The following HIP1 variants were observed in gnomAD, a reference collection of about 807,000 sequenced individuals.
The protein encoded by HIP1 is huntingtin-interacting protein 1.
In HIP1, 65 loss-of-function variants were observed where a neutral mutation model predicts 147.6. The observed-to-expected ratio is 0.44, with a 90% confidence interval of 0.36 to 0.54. The LOEUF is 0.54. Ranked by LOEUF, HIP1 falls within the 20% of genes least tolerant of loss-of-function variation. The pLI is 0.00. For synonymous variants in HIP1, 479 were observed against 504.0 expected (o/e 0.95, Z 0.67); for missense variants, 1,061 against 1,299.6 (o/e 0.82, Z 2.82).
intron 1 of HIP1, among the ~76,000 whole-genome samples, chr7:75,664,713 C>T (rs544400580): frequency 6.6e-6 from 1 of 152,012 alleles, no homozygotes; most frequent in Admixed American, 6.6e-5. Context: ...CTCTGCCTCC[C>T]AGGTTCAAGC....
intron 2 of HIP1, among the ~76,000 whole-genome samples, chr7:75,596,767 G>A (rs780043478): frequency 2.0e-5 from 3 of 152,150 alleles, no homozygotes; most frequent in Non-Finnish European, 2.9e-5. Flanking sequence ...CCCAGAGTGA[G>A]CCCGAGAGTT....
intron 3 of HIP1, 126 bp from the exon 4 acceptor site, chr7:75,592,238 C>G: frequency 7.2e-7 from 1 of 1,392,244 alleles, no homozygotes; most frequent in Admixed American, 1.8e-5. Context: ...GAGACTCACC[C>G]AACTCTAATG....
At chr7:75,620,820 G>T (rs587710684) in intron 1 of HIP1, among the ~76,000 whole-genome samples, 3 of 152,134 alleles carry the variant, frequency 2.0e-5, no homozygotes, top group African/African-American at 4.8e-5. Flanking sequence ...ATGGCGAGAG[G>T]TGCTATGGAA....
chr7:75,576,779 C>T (rs1795860894), intron 7 of HIP1, among the ~76,000 whole-genome samples: 1 of 152,154 alleles, frequency 6.6e-6, no homozygotes, highest in African/African-American at 2.4e-5. Flanking sequence ...AACTGTATGT[C>T]CAAGCTCAGT....
chr7:75,677,791 C>T (rs1554516273), intron 1 of HIP1, among the ~76,000 whole-genome samples: 1 of 151,840 alleles, frequency 6.6e-6, no homozygotes. Context: ...TTTTCTCCTG[C>T]CTTGGAGCCT....
At chr7:75,625,330 T>C (rs1299232788) in intron 1 of HIP1, 1 of 152,410 alleles carries the variant, frequency 6.6e-6, no homozygotes, top group Non-Finnish European at 1.5e-5. Context: ...CACTAAGACT[T>C]AGTCCTGGTT....
At chr7:75,614,649 T>C (rs1165472473) in intron 1 of HIP1, among the ~76,000 whole-genome samples, 1 of 152,200 alleles carries the variant, frequency 6.6e-6, no homozygotes, top group Non-Finnish European at 1.5e-5. Context: ...GTCATGTCGG[T>C]TGCACGACAT....
At chr7:75,555,905 A>G in intron 18 of HIP1, 121 bp downstream of exon 18, 1 of 1,218,666 alleles carries the variant, frequency 8.2e-7, no homozygotes, top group African/African-American at 1.5e-5. Flanking sequence ...TGTCTGCACA[A>G]TCAGGCCAAG....
At chr7:75,592,227 G>A in intron 3 of HIP1, 115 bp from the exon 4 acceptor site, 1 of 1,367,066 alleles carries the variant, frequency 7.3e-7, no homozygotes, top group Non-Finnish European at 1.0e-6. Flanking sequence ...CTGATGGGAG[G>A]GAGACTCACC....
chr7:75,730,710 T>C (rs1554522919), intron 1 of HIP1, among the ~76,000 whole-genome samples: 1 of 151,396 alleles, frequency 6.6e-6, no homozygotes, highest in Non-Finnish European at 1.5e-5. Context: ...GCCTTTACCA[T>C]TTGCACACAG....
chr7:75,654,317 C>G (rs1198943139), intron 1 of HIP1: 1 of 152,318 alleles, frequency 6.6e-6, no homozygotes, highest in Admixed American at 6.6e-5. Flanking sequence ...ATCACTTGAA[C>G]CCGGGAGGCG....
intron 1 of HIP1, among the ~76,000 whole-genome samples, chr7:75,688,693 C>G (rs1275625552): frequency 2.0e-5 from 3 of 152,144 alleles, no homozygotes; most frequent in Admixed American, 6.6e-5. Context: ...GACAGCTGCA[C>G]CAAACCAGCA....
At chr7:75,610,643 G>A (rs937745081) in intron 1 of HIP1, among the ~76,000 whole-genome samples, 2 of 151,500 alleles carry the variant, frequency 1.3e-5, no homozygotes, top group South Asian at 2.1e-4. Flanking sequence ...CCACAGTCGC[G>A]AAGGCAGGTC....
At chr7:75,547,485 C>T (rs782032113) in intron 24 of HIP1, among the ~76,000 whole-genome samples, 5 of 152,134 alleles carry the variant, frequency 3.3e-5, no homozygotes, top group Non-Finnish European at 5.9e-5. Context: ...GCAGGCTGGT[C>T]TCGAACTCCC....
intron 30 of HIP1, 63 bp downstream of exon 30, chr7:75,539,260 G>A (rs1794207982): frequency 8.5e-7 from 1 of 1,179,196 alleles, no homozygotes; most frequent in Non-Finnish European, 1.3e-6. Flanking sequence ...CTAGGGGAAG[G>A]CCCTGGCCAC....
intron 1 of HIP1, among the ~76,000 whole-genome samples, chr7:75,674,129 A>C (rs1333991654): frequency 6.6e-6 from 1 of 152,204 alleles, no homozygotes; most frequent in African/African-American, 2.4e-5. Flanking sequence ...TCACTGAAAA[A>C]TAGAGATAAT....
At chr7:75,729,791 C>T (rs1554522780) in intron 1 of HIP1, among the ~76,000 whole-genome samples, 2 of 124,450 alleles carry the variant, frequency 1.6e-5, no homozygotes, top group Non-Finnish European at 3.5e-5. Context: ...TGTCTCAAAA[C>T]AAAACAAACA....
At chr7:75,587,442 C>A (rs1452145584) in intron 4 of HIP1, among the ~76,000 whole-genome samples, 3 of 152,166 alleles carry the variant, frequency 2.0e-5, no homozygotes, top group Non-Finnish European at 4.4e-5. Flanking sequence ...TAATATGCTG[C>A]AATTTTATTC....
At chr7:75,586,403 T>C (rs1554499647) in intron 5 of HIP1, among the ~76,000 whole-genome samples, 3 of 152,084 alleles carry the variant, frequency 2.0e-5, no homozygotes, top group Non-Finnish European at 4.4e-5. Flanking sequence ...GGTTTTGCCA[T>C]GTTGTCCAGG....
Sources: allele counts gnomAD v4.1 joint callset (sites outside exome capture counted in the v4.1 genomes callset), GRCh38; gene constraint gnomAD v4.1.1; transcripts MANE v1.5; gene names NCBI Gene and HGNC (gene_info 2026-07-23, HGNC 2026-07-21).